SERINC5: variants seen among roughly 807,000 people sequenced by gnomAD.
SERINC5 encodes the protein serine incorporator 5, also known as chromosome 5 open reading frame 12.
Under a neutral mutation model 63.1 loss-of-function variants are expected in SERINC5, and 41 were observed. The observed-to-expected ratio is 0.65, with a 90% CI of 0.51 to 0.84. The LOEUF (loss-of-function observed/expected upper bound fraction) is 0.84, where lower values mean the gene tolerates loss of function less well. SERINC5 is among the 40% of genes least tolerant of loss of function. SERINC5 has a pLI of 0.00. For synonymous variants in SERINC5, 222 were observed against 215.2 expected (o/e 1.03, Z -0.28); for missense variants, 523 against 573.0 (o/e 0.91, Z 0.89).
At chr5:80,181,612 A>C (rs934474784) in intron 2 of SERINC5, among the ~76,000 whole-genome samples, 3 of 152,174 alleles carry the variant, frequency 2.0e-5, no homozygotes, top group Non-Finnish European at 4.4e-5. Context: ...GAAATAGCCA[A>C]CATTTTGTTT....
chr5:80,165,699 T>C (rs1016607621), intron 7 of SERINC5, among the ~76,000 whole-genome samples: 1 of 152,184 alleles, frequency 6.6e-6, no homozygotes, highest in African/African-American at 2.4e-5. Flanking sequence ...TCCTGCTCCC[T>C]GCTCCCCACT....
At chr5:80,209,923 C>T (rs1377544100) in intron 1 of SERINC5, among the ~76,000 whole-genome samples, 7 of 150,638 alleles carry the variant, frequency 4.6e-5, no homozygotes, top group Admixed American at 1.3e-4. Flanking sequence ...TGGTGCATGC[C>T]GGTGGTCCCA....
intron 1 of SERINC5, among the ~76,000 whole-genome samples, chr5:80,207,786 T>C (rs551902509): frequency 1.4e-4 from 21 of 152,368 alleles, no homozygotes; most frequent in African/African-American, 3.6e-4. Context: ...AAGTAAACTA[T>C]GCTAATAATT....
intron 8 of SERINC5, among the ~76,000 whole-genome samples, chr5:80,151,369 C>T (rs1006235134): frequency 7.9e-5 from 12 of 152,190 alleles, no homozygotes; most frequent in South Asian, 2.1e-4. Flanking sequence ...AAGCAAAAGT[C>T]GCAGTTATTT....
intron 1 of SERINC5, among the ~76,000 whole-genome samples, chr5:80,237,813 T>C (rs1401917096): frequency 1.3e-5 from 2 of 150,522 alleles, no homozygotes; most frequent in Non-Finnish European, 1.5e-5. Context: ...TTCCAAAAAA[T>C]ATGCAATCGG....
In SERINC5 at chr5:80,139,479, A is replaced by G; in HGVS notation, c.*4184T>C. The G allele has an allele frequency of 1.0e-6, 1 of 985,128 alleles. No individual in the cohort carries two copies. Among genetic ancestry groups the G allele is most frequent in the Non-Finnish European group, 1.2e-6 (1 of 829,882 alleles). The allele number at this position is 985,128 out of a possible 1,614,324, so 61.0% of individuals were successfully genotyped here. A position where few individuals can be genotyped will look rare whatever the true frequency, so the allele number is the denominator to read the frequency against. ...ATGCATTCTTAATCTGCCCTTCCCC[A>G]TTTGTTTCTTTCTGAAAGGATTTTG... On this transcript the variant is annotated 3_prime_UTR_variant, in exon 12 of 12. Coordinates refer to ENST00000507668, the MANE Select transcript of SERINC5 (RefSeq NM_001174072.3).
chr5:80,204,798 T>C (rs1161389705), intron 1 of SERINC5, among the ~76,000 whole-genome samples: 2 of 152,106 alleles, frequency 1.3e-5, no homozygotes, highest in African/African-American at 4.8e-5. Context: ...AGGCAGACAG[T>C]TAAGGCTAGT....
At chr5:80,178,537 ATTTTTT>A (rs1182662594) in intron 2 of SERINC5, among the ~76,000 whole-genome samples, 53 of 77,560 alleles carry the variant, frequency 6.8e-4, no homozygotes, top group Middle Eastern at 9.4e-3. Flanking sequence ...TAATTTTTGT[ATTTTTT>A]TTTTTTTTTT....
chr5:80,143,040 C>G lies in SERINC5; in HGVS notation c.*623G>C. On this transcript the variant is annotated 3_prime_UTR_variant, in exon 12 of 12. Coordinates refer to ENST00000507668, the MANE Select transcript of SERINC5 (RefSeq NM_001174072.3). ...AAAGATGAGACCTCGGGGAAGGGTG[C>G]AGGCAGAGAGTGAAGTCTGTGATTC... 2.0e-6 allele frequency: 2 copies of G among 985,420 alleles called. No individual in the cohort carries two copies. Among genetic ancestry groups the G allele is most frequent in the Non-Finnish European group, 2.4e-6 (2 of 829,962 alleles). The allele number at this position is 985,420 out of a possible 1,614,324, so 61.0% of individuals were successfully genotyped here.
intron 1 of SERINC5, among the ~76,000 whole-genome samples, chr5:80,247,958 C>T (rs1177547729): frequency 1.3e-5 from 2 of 152,158 alleles, no homozygotes; most frequent in Non-Finnish European, 2.9e-5. Flanking sequence ...AGGTGATCCT[C>T]CCACCTCAGC....
intron 1 of SERINC5, among the ~76,000 whole-genome samples, chr5:80,211,806 C>T (rs981080817): frequency 6.6e-6 from 1 of 152,208 alleles, no homozygotes; most frequent in Non-Finnish European, 1.5e-5. Flanking sequence ...CTCATATTCA[C>T]GACAATGGCC....
At chr5:80,151,838 G>C (rs1221184716) in intron 8 of SERINC5, among the ~76,000 whole-genome samples, 1 of 152,086 alleles carries the variant, frequency 6.6e-6, no homozygotes, top group Non-Finnish European at 1.5e-5. Context: ...GCCTGACATG[G>C]GCGGGCGTGT....
intron 7 of SERINC5, among the ~76,000 whole-genome samples, chr5:80,160,785 A>G (rs1381628240): frequency 6.6e-6 from 1 of 152,010 alleles, no homozygotes; most frequent in Non-Finnish European, 1.5e-5. Flanking sequence ...AAGTGAGAAC[A>G]TGCAGTATTT....
In SERINC5 at chr5:80,211,566, C is replaced by T. The variant is rs549168862; in HGVS notation, c.28-8513G>A. Among the ~76,000 whole-genome samples, 6 of 152,282 alleles carry T rather than the reference C, an allele frequency of 3.9e-5. No homozygotes were observed. In the South Asian group the frequency reaches 6.2e-4, roughly 16 times the overall value. On this transcript the variant is annotated intron_variant, in intron 1 of 11. Coordinates refer to ENST00000507668, the MANE Select transcript of SERINC5 (RefSeq NM_001174072.3). Reference sequence around the variant, plus strand: ...TGTAACTTCTGAGCACTGGAAGAGCCGCCATCACCTGTCTATAAACTGCGG... The same window carrying T: ...TGTAACTTCTGAGCACTGGAAGAGCTGCCATCACCTGTCTATAAACTGCGG...
At chr5:80,171,938 G>A (rs190134277) in intron 5 of SERINC5, among the ~76,000 whole-genome samples, 1 of 152,012 alleles carries the variant, frequency 6.6e-6, no homozygotes, top group East Asian at 1.9e-4. Context: ...AAATCCATGA[G>A]GTAATGAATA....
chr5:80,189,065 A>G (rs1749015711), intron 2 of SERINC5, among the ~76,000 whole-genome samples: 1 of 152,146 alleles, frequency 6.6e-6, no homozygotes. Flanking sequence ...CATCCTTATT[A>G]TGTGTATCTC....
intron 1 of SERINC5, among the ~76,000 whole-genome samples, chr5:80,250,701 G>A (rs1484742763): frequency 6.6e-6 from 1 of 152,186 alleles, no homozygotes; most frequent in Non-Finnish European, 1.5e-5. Context: ...GTGTATGTGG[G>A]TGTGTGTTTT....
intron 5 of SERINC5, 68 bp from the exon 6 acceptor site, chr5:80,169,614 G>C (rs992161879): frequency 4.7e-6 from 6 of 1,280,962 alleles, no homozygotes; most frequent in Non-Finnish European, 1.1e-6. Context: ...ACCATTCTGC[G>C]GTAACAGTCA....
At chr5:80,197,380 A>T (rs1010527934) in intron 2 of SERINC5, among the ~76,000 whole-genome samples, 2 of 133,038 alleles carry the variant, frequency 1.5e-5, no homozygotes, top group Non-Finnish European at 3.3e-5. Flanking sequence ...CCAGACACAG[A>T]GGGCTATATA....
Sources: gnomAD v4.1 joint callset for allele counts (sites outside exome capture counted in the v4.1 genomes callset) on GRCh38, gnomAD v4.1.1 for gene constraint, MANE v1.5 for transcripts, NCBI Gene and HGNC (gene_info 2026-07-23, HGNC 2026-07-21) for gene names.